Variants in PTPRT observed in about 807,000 individuals in gnomAD.
PTPRT encodes the protein receptor-type tyrosine-protein phosphatase T.
A neutral mutation model predicts 176.8 loss-of-function variants in PTPRT; 56 were observed. The ratio of observed to expected loss-of-function variants is 0.32; its 90% CI spans 0.26 to 0.40. The LOEUF (loss-of-function observed/expected upper bound fraction) is 0.40. Ranked by LOEUF, PTPRT falls within the 10% of genes least tolerant of loss-of-function variation. The pLI is 1.00. For missense variants in PTPRT, 1,540 were observed against 1,908.2 expected, an observed-to-expected ratio of 0.81 and a Z score of 3.60; for synonymous variants, 783 against 739.0, an observed-to-expected ratio of 1.06 and a Z score of -0.96.
At chr20:42,194,455 C>T (rs1991120162) in intron 16 of PTPRT, among the ~76,000 whole-genome samples, 1 of 152,116 alleles carries the variant, frequency 6.6e-6, no homozygotes, top group South Asian at 2.1e-4. Flanking sequence ...CTGTCAAATG[C>T]CATTATGGGA....
At chr20:42,191,878 C>T (rs192375143) in intron 16 of PTPRT, among the ~76,000 whole-genome samples, 56 of 152,226 alleles carry the variant, frequency 3.7e-4, no homozygotes, top group Admixed American at 7.2e-4. Context: ...TGAATTCCAG[C>T]TCCATCATTC....
chr20:42,706,115 ATGTC>A (rs551740734), intron 6 of PTPRT, among the ~76,000 whole-genome samples: 1 of 149,486 alleles, frequency 6.7e-6, no homozygotes, highest in African/African-American at 2.5e-5. Context: ...CAGGTCATGT[ATGTC>A]TGTCTGTCTG....
intron 1 of PTPRT, among the ~76,000 whole-genome samples, chr20:42,964,704 G>A (rs1201594172): frequency 1.3e-5 from 2 of 152,160 alleles, no homozygotes; most frequent in Middle Eastern, 3.4e-3. Flanking sequence ...CCTGTGCTTT[G>A]AGTATTTTTT....
At chr20:43,026,386 G>A (rs1300725576) in intron 1 of PTPRT, among the ~76,000 whole-genome samples, 4 of 152,110 alleles carry the variant, frequency 2.6e-5, no homozygotes, top group African/African-American at 7.2e-5. Context: ...AAAGTGCTGG[G>A]ATTACAAGTG....
intron 9 of PTPRT, among the ~76,000 whole-genome samples, chr20:42,374,443 TAG>T (rs150482697): frequency 0.079 from 12,053 of 152,286 alleles, 488 homozygotes; most frequent in Middle Eastern, 0.14. Context: ...AACCCAGTGA[TAG>T]AGTTTAAAAA....
the PTPRT span, among the ~76,000 whole-genome samples, chr20:42,059,017 C>A: frequency 8.5e-5 from 13 of 152,150 alleles, 1 homozygote; most frequent in Admixed American, 8.5e-4. Context: ...AATAAAAATG[C>A]ATCTCTAGAG....
At chr20:42,572,724 G>T (rs917336885) in intron 7 of PTPRT, among the ~76,000 whole-genome samples, 6 of 151,962 alleles carry the variant, frequency 3.9e-5, no homozygotes, top group Non-Finnish European at 8.8e-5. Context: ...TCAAAGTTTG[G>T]TATCTATCCA....
At chr20:42,251,843 G>A (rs894638968) in intron 13 of PTPRT, among the ~76,000 whole-genome samples, 5 of 152,098 alleles carry the variant, frequency 3.3e-5, no homozygotes, top group African/African-American at 9.7e-5. Flanking sequence ...GCCACAATGA[G>A]GGCTGTTGTT....
chr20:42,306,078 C>T (rs2057541427), intron 12 of PTPRT, among the ~76,000 whole-genome samples: 1 of 152,150 alleles, frequency 6.6e-6, no homozygotes. Context: ...TCTCCCTTTC[C>T]AAATGAATTT....
intron 7 of PTPRT, among the ~76,000 whole-genome samples, chr20:42,513,227 T>TGTGTGC (rs1400056419): frequency 2.6e-5 from 4 of 151,756 alleles, no homozygotes; most frequent in Non-Finnish European, 4.4e-5. Flanking sequence ...TGTGTGTGTG[T>TGTGTGC]GTGTGTGTGT....
chr20:43,117,771 C>G (rs573490782), intron 1 of PTPRT, among the ~76,000 whole-genome samples: 2 of 152,140 alleles, frequency 1.3e-5, no homozygotes, highest in Non-Finnish European at 2.9e-5. Context: ...TGGACAATGC[C>G]AGGTTTTGCT....
At chr20:42,705,765 T>A (rs1041323744) in intron 6 of PTPRT, among the ~76,000 whole-genome samples, 1 of 152,156 alleles carries the variant, frequency 6.6e-6, no homozygotes, top group African/African-American at 2.4e-5. Context: ...ATTTCTGTTA[T>A]GTCTACTCTT....
chr20:43,018,752 C>T (rs1429546544), intron 1 of PTPRT, among the ~76,000 whole-genome samples: 2 of 152,128 alleles, frequency 1.3e-5, no homozygotes, highest in Non-Finnish European at 1.5e-5. Flanking sequence ...AAAAACAACG[C>T]AAACAAAACT....
chr20:42,480,924 T>A (rs1436595199), intron 7 of PTPRT, among the ~76,000 whole-genome samples: 1 of 152,070 alleles, frequency 6.6e-6, no homozygotes, highest in African/African-American at 2.4e-5. Context: ...GCTCAAACAA[T>A]CTATTTCATA....
At chr20:42,979,615 C>A (rs1052151473) in intron 1 of PTPRT, among the ~76,000 whole-genome samples, 1 of 152,088 alleles carries the variant, frequency 6.6e-6, no homozygotes, top group Non-Finnish European at 1.5e-5. Context: ...AGGACACATT[C>A]ACTGGCAGAT....
At position 42,472,371 on chromosome 20, in the gene PTPRT, G is replaced by A. The variant is rs750951319; in HGVS notation, c.1345C>T (p.Leu449=). The change falls in exon 8 of 31, where the codon CTG becomes TTG. Residue 449 remains leucine, a synonymous_variant. Coordinates refer to ENST00000373187, the MANE Select transcript of PTPRT (RefSeq NM_007050.6). ...GTCATGAAGGGGCGCAGGCCTCGCAGGGTGTAGTGGGAGGAGGTCTGGATG... is the reference window on the plus strand; with the variant it reads ...GTCATGAAGGGGCGCAGGCCTCGCAAGGTGTAGTGGGAGGAGGTCTGGATG... The part of the protein sequence containing the change: ...EVIQTSSHYT[L]RGLRPFMTIR... 1 of 1,614,232 alleles carries A rather than the reference G, an allele frequency of 6.2e-7. No homozygotes were observed.
chr20:43,051,501 A>G (rs928101539), intron 1 of PTPRT, among the ~76,000 whole-genome samples: 2 of 152,140 alleles, frequency 1.3e-5, no homozygotes, highest in African/African-American at 4.8e-5. Flanking sequence ...TCATTCAGTT[A>G]TAAGAGTAAG....
At chr20:42,412,845 A>G (rs1388539139) in intron 9 of PTPRT, among the ~76,000 whole-genome samples, 3 of 152,132 alleles carry the variant, frequency 2.0e-5, no homozygotes, top group African/African-American at 2.4e-5. Flanking sequence ...AAACAGAAAA[A>G]CTATAGGGAC....
intron 1 of PTPRT, among the ~76,000 whole-genome samples, chr20:42,942,265 G>C (rs1259863199): frequency 1.3e-5 from 2 of 152,314 alleles, no homozygotes; most frequent in East Asian, 3.9e-4. Flanking sequence ...GTCAAGAGGA[G>C]GATGGGGCAC....
Sources: allele counts gnomAD v4.1 joint callset (sites outside exome capture counted in the v4.1 genomes callset), GRCh38; gene constraint gnomAD v4.1.1; transcripts MANE v1.5; gene names NCBI Gene and HGNC (gene_info 2026-07-23, HGNC 2026-07-21).